Variants in TNR observed in about 807,000 individuals in gnomAD.
TNR encodes the protein tenascin R.
In TNR, 45 loss-of-function variants were observed where a neutral mutation model predicts 150.4. The ratio of observed to expected loss-of-function variants is 0.30; its 90% CI spans 0.24 to 0.38. The LOEUF (loss-of-function observed/expected upper bound fraction) is 0.38. Ranked by LOEUF, TNR falls within the 10% of genes least tolerant of loss-of-function variation. TNR has a pLI of 1.00. For synonymous variants in TNR, 687 were observed against 678.4 expected (o/e 1.01, Z -0.20); for missense variants, 1,544 against 1,759.1 (o/e 0.88, Z 2.19).
chr1:175,393,935 C>T, intron 5 of TNR, 40 bp from the exon 6 acceptor site: 3 of 1,489,624 alleles, frequency 2.0e-6, no homozygotes, highest in Admixed American at 1.7e-5. Context: ...CATGGCTAAC[C>T]CTTGGGACAG....
At chr1:175,462,960 A>G (rs749741807) in intron 2 of TNR, among the ~76,000 whole-genome samples, 1 of 152,252 alleles carries the variant, frequency 6.6e-6, no homozygotes, top group Non-Finnish European at 1.5e-5. Flanking sequence ...TCCTTTGGAC[A>G]TAGCGAGAGA....
chr1:175,559,856 C>T (rs1178601428), intron 1 of TNR, among the ~76,000 whole-genome samples: 1 of 152,138 alleles, frequency 6.6e-6, no homozygotes, highest in Non-Finnish European at 1.5e-5. Flanking sequence ...ATCTTTAGCT[C>T]CACCAGTCAT....
intron 2 of TNR, among the ~76,000 whole-genome samples, chr1:175,416,969 C>T (rs1461205355): frequency 7.2e-6 from 1 of 138,484 alleles, no homozygotes; most frequent in Admixed American, 7.5e-5. Flanking sequence ...GATTGCGCCA[C>T]TGCACTCCAG....
At chr1:175,735,834 G>A (rs766481166) in intron 1 of TNR, among the ~76,000 whole-genome samples, 1 of 152,126 alleles carries the variant, frequency 6.6e-6, no homozygotes. Context: ...AATAGGGCTC[G>A]GAAACCCTCC....
chr1:175,631,847 T>C (rs1157274908), intron 1 of TNR, among the ~76,000 whole-genome samples: 3 of 152,192 alleles, frequency 2.0e-5, no homozygotes, highest in Admixed American at 6.5e-5. Context: ...ATTAGCTCTT[T>C]CTTTATGCTT....
intron 1 of TNR, among the ~76,000 whole-genome samples, chr1:175,667,430 T>C (rs1571731967): frequency 6.6e-6 from 1 of 152,250 alleles, no homozygotes; most frequent in African/African-American, 2.4e-5. Context: ...CCAGCTTGTA[T>C]GTGAATAAAT....
chr1:175,606,687 C>T (rs180892626), intron 1 of TNR, among the ~76,000 whole-genome samples: 98 of 152,236 alleles, frequency 6.4e-4, no homozygotes, highest in Non-Finnish European at 2.1e-4. Flanking sequence ...ACCCCCCACC[C>T]GACCCCCACA....
At chr1:175,707,255 A>C (rs774528039) in intron 1 of TNR, among the ~76,000 whole-genome samples, 1 of 152,212 alleles carries the variant, frequency 6.6e-6, no homozygotes, top group African/African-American at 2.4e-5. Flanking sequence ...CTAGTCTAAA[A>C]TACCTTAATA....
chr1:175,398,981 G>A (rs1653568952), intron 4 of TNR, among the ~76,000 whole-genome samples: 2 of 152,332 alleles, frequency 1.3e-5, no homozygotes, highest in East Asian at 3.9e-4. Context: ...AGAACTGACT[G>A]TCAAACCCTG....
chr1:175,610,597 C>T (rs1183441871), intron 1 of TNR, among the ~76,000 whole-genome samples: 1 of 152,212 alleles, frequency 6.6e-6, no homozygotes, highest in Non-Finnish European at 1.5e-5. Flanking sequence ...CAGACTTTCA[C>T]CCCATCTCCC....
intron 3 of TNR, among the ~76,000 whole-genome samples, chr1:175,404,509 C>A (rs905118102): frequency 1.3e-5 from 2 of 152,198 alleles, no homozygotes; most frequent in African/African-American, 2.4e-5. Flanking sequence ...TTCAAGTAAA[C>A]GTATTAAACA....
chr1:175,380,394 T>C (rs1652614999), intron 8 of TNR, among the ~76,000 whole-genome samples: 1 of 152,108 alleles, frequency 6.6e-6, no homozygotes, highest in African/African-American at 2.4e-5. Flanking sequence ...TTCAGGTTGT[T>C]GCATGGATTA....
chr1:175,455,823 G>T (rs766522160), intron 2 of TNR, among the ~76,000 whole-genome samples: 11 of 152,212 alleles, frequency 7.2e-5, no homozygotes, highest in Non-Finnish European at 1.6e-4. Context: ...GGTCCTTGAG[G>T]ATGAAAGTTG....
chr1:175,503,612 T>G (rs1242610704), intron 2 of TNR, among the ~76,000 whole-genome samples: 1 of 152,136 alleles, frequency 6.6e-6, no homozygotes, highest in Non-Finnish European at 1.5e-5. Context: ...GGCAGGCAGG[T>G]CCTGGCTTCC....
intron 2 of TNR, among the ~76,000 whole-genome samples, chr1:175,416,790 C>T (rs995024608): frequency 7.9e-5 from 12 of 152,082 alleles, no homozygotes; most frequent in African/African-American, 2.2e-4. Context: ...GGGCGGATCA[C>T]GACGTCAGGA....
At chr1:175,323,984 C>T (rs946034739) in intron 22 of TNR, among the ~76,000 whole-genome samples, 4 of 152,138 alleles carry the variant, frequency 2.6e-5, no homozygotes, top group African/African-American at 9.7e-5. Flanking sequence ...AGCCTATAAA[C>T]TTGTGGTCTC....
chr1:175,413,042 T>C (rs1654281635), intron 2 of TNR, among the ~76,000 whole-genome samples: 1 of 152,174 alleles, frequency 6.6e-6, no homozygotes, highest in Non-Finnish European at 1.5e-5. Context: ...TTCTTTTTTT[T>C]TGAGTCAGAG....
At chr1:175,414,948 A>G (rs1014666237) in intron 2 of TNR, among the ~76,000 whole-genome samples, 16 of 151,376 alleles carry the variant, frequency 1.1e-4, no homozygotes, top group African/African-American at 3.4e-4. Context: ...AGGGCAAAAA[A>G]AAAAAAAGGT....
intron 9 of TNR, among the ~76,000 whole-genome samples, chr1:175,377,465 T>C (rs1014121426): frequency 1.3e-5 from 2 of 151,620 alleles, no homozygotes; most frequent in African/African-American, 4.8e-5. Flanking sequence ...CAGGGTTTTT[T>C]TTTTTTTTTT....
Sources: allele counts gnomAD v4.1 joint callset (sites outside exome capture counted in the v4.1 genomes callset), GRCh38; gene constraint gnomAD v4.1.1; transcripts MANE v1.5; gene names NCBI Gene and HGNC (gene_info 2026-07-23, HGNC 2026-07-21).